The following OR1M1 variants were observed in gnomAD, a reference collection of about 807,000 sequenced individuals.
The protein encoded by OR1M1 is olfactory receptor 1M1.
For synonymous variants in OR1M1, 157 were observed against 165.5 expected (o/e 0.95, Z 0.39); for missense variants, 397 against 401.8 (o/e 0.99, Z 0.10).
In OR1M1 at chr19:9,093,347, TACCTG is replaced by T. The variant is rs762853436; in HGVS notation, c.104_108del (p.Tyr35CysfsTer34). ...TCTCTTTTCCCTGTTCTTCTGCATG[TACCTG>T]GTCATGGTCGTGGGGAACCTGCTCA... On this transcript the variant is annotated frameshift_variant, in exon 2 of 2. Transcript: ENST00000641627. LOFTEE classifies it low-confidence loss of function (END_TRUNC). The T allele has an allele frequency of 5.0e-6, 8 of 1,613,790 alleles. No homozygotes were observed. Among genetic ancestry groups the T allele is most frequent in the Middle Eastern group, 3.3e-4 (2 of 6,084 alleles).
At position 9,093,239 on chromosome 19, in the gene OR1M1, A is replaced by G. The variant is rs2050304242; in HGVS notation, c.-6A>G. On this transcript the variant is annotated 5_prime_UTR_variant, in exon 2 of 2. Coordinates refer to ENST00000641627, the MANE Select transcript of OR1M1 (RefSeq NM_001004456.2). Reference sequence around the variant, plus strand: ...CCCTTTCCATACTTCCAGAGGAATCACACCCATGGAACCAAGAAACCAAAC... The same window carrying G: ...CCCTTTCCATACTTCCAGAGGAATCGCACCCATGGAACCAAGAAACCAAAC... 6.3e-7 allele frequency: 1 copy of G among 1,589,152 alleles called. No individual in the cohort carries two copies. The highest frequency in any genetic ancestry group is 1.3e-5 in the African/African-American group (1 of 74,186).
Position 9,093,608 on chromosome 19 carries a change from CG to C in OR1M1, c.366del (p.Phe123SerfsTer14), listed in dbSNP as rs1424392164. 3 of 1,613,964 alleles carry C rather than the reference CG, an allele frequency of 1.9e-6. No homozygotes were observed. The African/African-American group carries it at 4.0e-5, about 22-fold the overall frequency. ...CATAATCGCCATGATGGCTTATGAC[CG>C]GTTCGTGGCCATCTGCCACCCATTG... is the stretch of plus-strand genomic sequence containing the variant. ...SVIIAMMAYD[R>X]FVAICHPLHY... On this transcript the variant is annotated frameshift_variant, in exon 2 of 2. Coordinates refer to ENST00000641627, the MANE Select transcript of OR1M1 (RefSeq NM_001004456.2). LOFTEE classifies it low-confidence loss of function (END_TRUNC).
chr19:9,094,208 TG>T lies in OR1M1; in HGVS notation c.*28del, dbSNP rs759812439. The stretch of plus-strand genomic sequence containing the variant: ...CTGACCACCAGGACTCAGGAACTTC[TG>T]GGGGGTAGAATATATACATCTGGGA... On this transcript the variant is annotated 3_prime_UTR_variant, in exon 2 of 2. Transcript: ENST00000641627. 21 of 1,490,988 alleles carry T rather than the reference TG, an allele frequency of 1.4e-5. No individual in the cohort carries two copies. The highest frequency in any genetic ancestry group is 7.0e-5 in the Admixed American group (4 of 57,168). 92.4% of individuals were successfully genotyped at this position (1,490,988 alleles called of 1,614,324 possible). A position where few individuals can be genotyped will look rare whatever the true frequency, so the allele number is the denominator to read the frequency against.
rs372392767 is a variant in OR1M1 at position 9,093,770 on chromosome 19, C to T, written c.526C>T (p.His176Tyr). 5.7e-5 allele frequency: 92 copies of T among 1,613,956 alleles called. No homozygotes were observed. In the Admixed American group the frequency reaches 6.8e-4, roughly 12 times the overall value. Residue 176 changes from histidine to tyrosine, a missense_variant, in exon 2 of 2, where the codon CAC becomes TAC. Transcript: ENST00000641627. ...TTTCTGCGGCAGCCATGAGGTGCCT[C>T]ACTACTTCTGCGACCTCACTCCCAT... ...LVFCGSHEVP[H>Y]YFCDLTPILR...
In OR1M1 at chr19:9,089,244, A is replaced by G. The variant is rs1345812383; in HGVS notation, c.-14+2087A>G. On this transcript the variant is annotated intron_variant, in intron 1 of 1. Coordinates refer to ENST00000641627, the MANE Select transcript of OR1M1 (RefSeq NM_001004456.2). ...AGTATCCTCTGTTCTTTTTACTTCTATGAAATCATTTTTTTTCTTTTAGCT... is the reference window on the plus strand; with the variant it reads ...AGTATCCTCTGTTCTTTTTACTTCTGTGAAATCATTTTTTTTCTTTTAGCT... Among the ~76,000 whole-genome samples the G allele has an allele frequency of 1.3e-5, 2 of 151,916 alleles. 1 individual carries two copies.
At position 9,093,925 on chromosome 19, in the gene OR1M1, G is replaced by T; in HGVS notation, c.681G>T (p.Lys227Asn). ...CTCGCATCCTTGTGGCCATCATGAAGGTCCCCTCTGCAGGCGGCAGGAAGA... is the reference window on the plus strand; with the variant it reads ...CTCGCATCCTTGTGGCCATCATGAATGTCCCCTCTGCAGGCGGCAGGAAGA... ...SYARILVAIM[K>N]VPSAGGRKKA... Residue 227 changes from lysine to asparagine, a missense_variant, in exon 2 of 2, where the codon AAG becomes AAT. Physicochemically the swap from Lys to Asn is moderately conservative, Grantham distance 94. Coordinates refer to ENST00000641627, the MANE Select transcript of OR1M1 (RefSeq NM_001004456.2). The T allele has an allele frequency of 1.9e-6, 3 of 1,614,144 alleles. No individual in the cohort carries two copies. Among genetic ancestry groups the T allele is most frequent in the Non-Finnish European group, 2.5e-6 (3 of 1,180,044 alleles).
rs912744921 is a variant in OR1M1 at position 9,094,349 on chromosome 19, T to C, written c.*163T>C. On this transcript the variant is annotated 3_prime_UTR_variant, in exon 2 of 2. Coordinates refer to ENST00000641627, the MANE Select transcript of OR1M1 (RefSeq NM_001004456.2). ...CTATGTTGCCCGTGCTGGAGTGCAG[T>C]GGCGTGATCATAGATCACTGCAGCT... 3.6e-6 allele frequency: 2 copies of C among 562,532 alleles called. No individual in the cohort carries two copies. The highest frequency in any genetic ancestry group is 3.8e-5 in the African/African-American group (2 of 53,252). 34.8% of individuals were successfully genotyped at this position (562,532 alleles called of 1,614,324 possible).
Position 9,094,500 on chromosome 19 carries a change from C to T in OR1M1, c.*314C>T, listed in dbSNP as rs1023850499. Reference sequence around the variant, plus strand: ...TCAGCCTCCTAACATCCTAGGATTACAGGTGTGAGCTACCACGCCGAGCCT... The same window carrying T: ...TCAGCCTCCTAACATCCTAGGATTATAGGTGTGAGCTACCACGCCGAGCCT... On this transcript the variant is annotated 3_prime_UTR_variant, in exon 2 of 2. Transcript: ENST00000641627. The T allele has an allele frequency of 4.0e-5, 9 of 226,166 alleles. No individual in the cohort carries two copies. The highest frequency in any genetic ancestry group is 7.8e-5 in the Non-Finnish European group (9 of 116,104). The allele number at this position is 226,166 out of a possible 1,614,324, so 14.0% of individuals were successfully genotyped here.
At chr19:9,090,951 G>A (rs1266196544) in intron 1 of OR1M1, among the ~76,000 whole-genome samples, 4 of 151,672 alleles carry the variant, frequency 2.6e-5, no homozygotes, top group African/African-American at 9.7e-5. Flanking sequence ...CAGATCACGA[G>A]GTCAGGAGAT....
chr19:9,090,677 G>A (rs8103365), intron 1 of OR1M1, among the ~76,000 whole-genome samples: 10 of 151,592 alleles, frequency 6.6e-5, no homozygotes, highest in African/African-American at 2.2e-4. Flanking sequence ...CAGGTGATCC[G>A]CCTGCCTCGG....
chr19:9,093,980 T>C lies in OR1M1; in HGVS notation c.736T>C (p.Ser246Pro), dbSNP rs774154478. The change falls in exon 2 of 2, where the codon TCT becomes CCT. Residue 246 changes from serine to proline, a missense_variant. By Grantham distance (74) the Ser-to-Pro change is moderately conservative. Transcript: ENST00000641627. ...KAFSTCSSHL[S>P]VVALFYGTTI... ...CTTCTCCACCTGCAGCTCCCACCTG[T>C]CTGTGGTTGCTCTCTTCTATGGGAC... 1 of 1,613,990 alleles carries C rather than the reference T, an allele frequency of 6.2e-7. No individual in the cohort carries two copies. The highest frequency in any genetic ancestry group is 8.5e-7 in the Non-Finnish European group (1 of 1,180,020).
intron 1 of OR1M1, among the ~76,000 whole-genome samples, chr19:9,089,538 C>G (rs979664548): frequency 4.6e-5 from 7 of 151,872 alleles, no homozygotes; most frequent in Non-Finnish European, 8.8e-5. Context: ...ATTCTCCTGC[C>G]TCAGCCTCCC....
Position 9,093,238 on chromosome 19 carries a change from C to T in OR1M1, c.-7C>T. ...CCCCTTTCCATACTTCCAGAGGAAT[C>T]ACACCCATGGAACCAAGAAACCAAA... On this transcript the variant is annotated 5_prime_UTR_variant, in exon 2 of 2. Transcript: ENST00000641627. The T allele has an allele frequency of 6.3e-7, 1 of 1,584,040 alleles. No homozygotes were observed. Among genetic ancestry groups the T allele is most frequent in the East Asian group, 2.2e-5 (1 of 44,640 alleles).
intron 1 of OR1M1, among the ~76,000 whole-genome samples, chr19:9,089,506 C>CTA (rs999182910): frequency 4.6e-4 from 70 of 151,734 alleles, no homozygotes; most frequent in African/African-American, 1.6e-3. Context: ...TCACTGCAAC[C>CTA]TCCGCCTCCT....
chr19:9,093,734 G>A lies in OR1M1; in HGVS notation c.490G>A (p.Ala164Thr), dbSNP rs1600199617. Residue 164 changes from alanine (A) to threonine (T), a missense_variant, in exon 2 of 2, where the codon GCC becomes ACC. By Grantham distance (58) the Ala-to-Thr change is moderately conservative (BLOSUM62 0). Coordinates refer to ENST00000641627, the MANE Select transcript of OR1M1 (RefSeq NM_001004456.2). ...FISLTHILLM[A>T]RLVFCGSHEV... ...CTCACTCACTCACATCCTCCTGATG[G>A]CCCGTCTCGTTTTCTGCGGCAGCCA... 2.5e-6 allele frequency: 4 copies of A among 1,613,926 alleles called. No individual in the cohort carries two copies. The East Asian group carries it at 8.9e-5, about 36-fold the overall frequency.
chr19:9,092,072 C>CT (rs35789114), intron 1 of OR1M1, among the ~76,000 whole-genome samples: 18,872 of 39,820 alleles, frequency 0.47, 7,258 homozygotes, highest in East Asian at 0.73. Context: ...TCATGCCTGG[C>CT]TTTTTTTTTT....
intron 1 of OR1M1, among the ~76,000 whole-genome samples, chr19:9,090,932 C>T (rs1369579028): frequency 6.6e-6 from 1 of 151,656 alleles, no homozygotes; most frequent in East Asian, 2.0e-4. Context: ...TTTGAGAGGC[C>T]AAGGCGGGCA....
intron 1 of OR1M1, among the ~76,000 whole-genome samples, chr19:9,090,265 C>G (rs1258013437): frequency 3.9e-5 from 6 of 152,072 alleles, no homozygotes; most frequent in Non-Finnish European, 8.8e-5. Context: ...TATATTTGTC[C>G]CCACAACTCA....
rs1244513799 is a variant in OR1M1 at position 9,093,072 on chromosome 19, CTA to C, written c.-13-153_-13-152del. On this transcript the variant is annotated intron_variant, in intron 1 of 1. Transcript: ENST00000641627. Reference sequence around the variant, plus strand: ...ATATATACACACACACATATATATTCTATATATACACACACACACACACACAC... The same window carrying C: ...ATATATACACACACACATATATATTCTATATACACACACACACACACACAC... 1,769 of 436,138 alleles carry C rather than the reference CTA, an allele frequency of 4.1e-3. 4 individuals are homozygous for C. Among genetic ancestry groups the C allele is most frequent in the African/African-American group, 0.011 (452 of 42,966 alleles). The allele number at this position is 436,138 out of a possible 1,614,324, so 27.0% of individuals were successfully genotyped here.
Sources: allele counts gnomAD v4.1 joint callset (sites outside exome capture counted in the v4.1 genomes callset), GRCh38; gene constraint gnomAD v4.1.1; transcripts MANE v1.5; gene names NCBI Gene and HGNC (gene_info 2026-07-23, HGNC 2026-07-21).